MCTP2: variants seen among roughly 807,000 people sequenced by gnomAD.
The protein encoded by MCTP2 is multiple C2 and transmembrane domain containing 2.
A neutral mutation model predicts 111.6 loss-of-function variants in MCTP2; 132 were observed. That is an observed-to-expected ratio of 1.18 (90% CI 1.03 to 1.37). MCTP2 has a LOEUF of 1.37. MCTP2 is among the 40% of genes most tolerant of loss of function. The pLI is 0.00. For missense variants in MCTP2, 1,183 were observed against 1,067.9 expected (o/e 1.11, Z -1.50); for synonymous variants, 395 against 387.7 (o/e 1.02, Z -0.22).
rs1460586273 is a variant in MCTP2, at chr15:94,480,993, T to G, written c.*1959T>G. 6.6e-6 allele frequency: 1 copy of G among 152,168 alleles called. No individual in the cohort carries two copies. The highest frequency in any genetic ancestry group is 1.5e-5 in the Non-Finnish European group (1 of 67,996). 9.4% of individuals were successfully genotyped at this position (152,168 alleles called of 1,614,324 possible). ...ATATAGAAAACAATTGTTAGTTGATTAAGTAGACATTGGATGTTTGTTAGA... is the reference window on the plus strand; with the variant it reads ...ATATAGAAAACAATTGTTAGTTGATGAAGTAGACATTGGATGTTTGTTAGA... On this transcript the variant is annotated 3_prime_UTR_variant, in exon 23 of 23. Coordinates refer to ENST00000357742, the MANE Select transcript of MCTP2 (RefSeq NM_001385001.1).
chr15:94,442,670 A>T (rs998246125), intron 18 of MCTP2, among the ~76,000 whole-genome samples: 3 of 152,234 alleles, frequency 2.0e-5, no homozygotes, highest in African/African-American at 7.2e-5. Flanking sequence ...TTAAAGCTGG[A>T]TGCCTTCAAA....
At chr15:94,239,458 C>T (rs906526036) in intron 1 of MCTP2, among the ~76,000 whole-genome samples, 3 of 152,140 alleles carry the variant, frequency 2.0e-5, no homozygotes, top group Non-Finnish European at 4.4e-5. Flanking sequence ...TGTCCTACAG[C>T]GACAATGCTT....
chr15:94,339,428 T>TG lies in MCTP2; in HGVS notation c.777dup (p.Lys260GlufsTer4). The TG allele has an allele frequency of 6.3e-7, 1 of 1,594,542 alleles. No homozygotes were observed. The highest frequency in any genetic ancestry group is 8.5e-7 in the Non-Finnish European group (1 of 1,172,940). On this transcript the variant is annotated frameshift_variant, in exon 5 of 23. Coordinates refer to ENST00000357742, the MANE Select transcript of MCTP2 (RefSeq NM_001385001.1). LOFTEE classifies it high-confidence loss of function. ...CAAAGCCTTGATCAAAAGCTACGTGTGAAGGTAATCACAGATAGCTTTCAA... is the reference window on the plus strand; with the variant it reads ...CAAAGCCTTGATCAAAAGCTACGTGTGGAAGGTAATCACAGATAGCTTTCAA...
chr15:94,390,102 A>ACGTATC (rs1567603204), intron 14 of MCTP2, among the ~76,000 whole-genome samples: 1 of 39,210 alleles, frequency 2.6e-5, no homozygotes, highest in Non-Finnish European at 7.0e-5. Flanking sequence ...ATATATATAT[A>ACGTATC]TATATATATA....
chr15:94,336,756 T>C (rs1179396213), intron 4 of MCTP2, among the ~76,000 whole-genome samples: 2 of 151,894 alleles, frequency 1.3e-5, no homozygotes, highest in African/African-American at 4.8e-5. Context: ...TGTATATATA[T>C]ACACATATAT....
At chr15:94,374,302 G>A (rs1290156876) in intron 12 of MCTP2, among the ~76,000 whole-genome samples, 2 of 152,202 alleles carry the variant, frequency 1.3e-5, no homozygotes, top group Non-Finnish European at 2.9e-5. Context: ...TTACCTTTCA[G>A]TACACATGAC....
Position 94,356,216 on chromosome 15 carries a change from T to G in MCTP2, c.1085T>G (p.Leu362Trp), listed in dbSNP as rs776565969. 2.5e-6 allele frequency: 4 copies of G among 1,613,620 alleles called. No homozygotes were observed. In the South Asian group the frequency reaches 4.4e-5, roughly 18 times the overall value. ...TGGAACGGGATTATAAGTATAACTT[T>G]GTTGGAAGGGAAGAATGTCTCAGGA... ...QLWNGIISIT[L>W]LEGKNVSGGS... The change falls in exon 9 of 23, where the codon TTG (leucine) becomes TGG (tryptophan). Residue 362 changes from leucine to tryptophan, a missense_variant. By Grantham distance (61) the Leu-to-Trp change is moderately conservative. Coordinates refer to ENST00000357742, the MANE Select transcript of MCTP2 (RefSeq NM_001385001.1).
intron 8 of MCTP2, 23 bp from the exon 9 acceptor site, chr15:94,356,114 G>A: frequency 6.6e-6 from 10 of 1,511,402 alleles, no homozygotes; most frequent in Non-Finnish European, 8.0e-6. Context: ...AAGTTTACAT[G>A]TCATCTTTAT....
At chr15:94,473,425 G>A (rs1320228832) in intron 21 of MCTP2, among the ~76,000 whole-genome samples, 1 of 152,144 alleles carries the variant, frequency 6.6e-6, no homozygotes, top group African/African-American at 2.4e-5. Flanking sequence ...TGAAAATTAA[G>A]TGAGAAGTAG....
rs1333430022 is a variant in MCTP2 at position 94,314,307 on chromosome 15, A to T, written c.491A>T (p.Asn164Ile). 1 of 1,610,106 alleles carries T rather than the reference A, an allele frequency of 6.2e-7. No individual in the cohort carries two copies. The highest frequency in any genetic ancestry group is 1.1e-5 in the South Asian group (1 of 90,420). The change falls in exon 3 of 23, where the codon AAT becomes ATT. Residue 164 changes from asparagine to isoleucine, a missense_variant. Asn to Ile is a moderately radical substitution (Grantham distance 149). Transcript: ENST00000357742. The part of the protein sequence containing the change: ...PEKLCGSSDL[N>I]ASMTSQHFEE... ...AAGCTATGTGGAAGCAGTGACCTGA[A>T]TGCTTCTATGACATCTCAACATTTT...
intron 17 of MCTP2, among the ~76,000 whole-genome samples, chr15:94,435,316 A>G (rs2083411949): frequency 6.6e-6 from 1 of 152,134 alleles, no homozygotes; most frequent in South Asian, 2.1e-4. Context: ...TTATTTACAT[A>G]TTCTGTAATG....
chr15:94,270,138 A>G (rs1257633107), intron 1 of MCTP2, among the ~76,000 whole-genome samples: 2 of 152,118 alleles, frequency 1.3e-5, no homozygotes, highest in African/African-American at 4.8e-5. Context: ...TTGCTGACAC[A>G]TAGGAGATGG....
At chr15:94,383,609 C>T (rs922010795) in intron 12 of MCTP2, among the ~76,000 whole-genome samples, 3 of 152,140 alleles carry the variant, frequency 2.0e-5, no homozygotes, top group Non-Finnish European at 2.9e-5. Context: ...AGAATGAGAG[C>T]CAAGTGAAAG....
At chr15:94,406,525 G>C (rs2081904437) in intron 17 of MCTP2, among the ~76,000 whole-genome samples, 1 of 152,190 alleles carries the variant, frequency 6.6e-6, no homozygotes, top group South Asian at 2.1e-4. Flanking sequence ...ATGCTATACA[G>C]GAAAGAAACC....
chr15:94,370,844 A>G (rs2079446922), intron 12 of MCTP2, among the ~76,000 whole-genome samples: 1 of 152,174 alleles, frequency 6.6e-6, no homozygotes, highest in African/African-American at 2.4e-5. Flanking sequence ...AGCCGCCTAC[A>G]TGACAGATGC....
At chr15:94,415,387 C>T (rs976364323) in intron 17 of MCTP2, among the ~76,000 whole-genome samples, 1 of 151,900 alleles carries the variant, frequency 6.6e-6, no homozygotes, top group South Asian at 2.1e-4. Context: ...TTTACCGTAC[C>T]GTTGTTACTT....
rs1208372600 is a variant in MCTP2 at position 94,245,366 on chromosome 15, TTACA to T, written c.-66+13709_-66+13712del. On this transcript the variant is annotated intron_variant, in intron 1 of 22. Coordinates refer to ENST00000357742, the MANE Select transcript of MCTP2 (RefSeq NM_001385001.1). ...TATTTACATACATATGTATATATAT[TTACA>T]TACATATGTATATGTATTTATATAC... is the stretch of plus-strand genomic sequence containing the variant. Among the ~76,000 whole-genome samples the T allele has an allele frequency of 2.3e-4, 31 of 137,398 alleles. No homozygotes were observed. In the South Asian group the frequency reaches 3.0e-3, roughly 13 times the overall value. The allele number at this position is 137,398 out of a possible 152,430, so 90.1% of individuals were successfully genotyped here.
intron 21 of MCTP2, 37 bp downstream of exon 21, chr15:94,470,479 C>A: frequency 7.5e-7 from 1 of 1,335,734 alleles, no homozygotes; most frequent in Non-Finnish European, 1.1e-6. Flanking sequence ...GCAATCAATT[C>A]CAGGTAAGAA....
intron 1 of MCTP2, among the ~76,000 whole-genome samples, chr15:94,291,935 T>A (rs914876639): frequency 6.6e-6 from 1 of 152,226 alleles, no homozygotes; most frequent in South Asian, 2.1e-4. Context: ...GTAAACACAT[T>A]AGTGTGGCTA....
Sources: gnomAD v4.1 joint callset for allele counts (sites outside exome capture counted in the v4.1 genomes callset) on GRCh38, gnomAD v4.1.1 for gene constraint, MANE v1.5 for transcripts, NCBI Gene and HGNC (gene_info 2026-07-23, HGNC 2026-07-21) for gene names.